Variants in L3MBTL1 observed in about 807,000 individuals in gnomAD.
L3MBTL1 encodes lethal(3)malignant brain tumor-like protein 1.
L3MBTL1 carries 75 observed loss-of-function variants against 105.3 expected under a neutral mutation model. The ratio of observed to expected loss-of-function variants is 0.71; its 90% CI spans 0.59 to 0.86. The LOEUF (loss-of-function observed/expected upper bound fraction) is 0.86. Ranked by LOEUF, L3MBTL1 falls within the 40% of genes least tolerant of loss-of-function variation. The probability of loss-of-function intolerance (pLI) is 0.00; values close to 1 mark genes in which losing one functional copy is unlikely to be tolerated. For synonymous variants in L3MBTL1, 452 were observed against 436.2 expected, an observed-to-expected ratio of 1.04 and a Z score of -0.45; for missense variants, 1,069 against 1,126.4, an observed-to-expected ratio of 0.95 and a Z score of 0.73.
At chr20:43,514,572 G>A (rs772502710) in intron 3 of L3MBTL1, 63 bp from the exon 4 acceptor site, 18 of 1,595,992 alleles carry the variant, frequency 1.1e-5, no homozygotes, top group Admixed American at 6.9e-5. Context: ...CCATGGCACC[G>A]ACTCCGAGAT....
Position 43,548,525 on chromosome 20 carries a change from C to T in L3MBTL1, c.*280C>T, listed in dbSNP as rs540004173. The stretch of plus-strand genomic sequence containing the variant: ...GTCAGTTGGACTGTGGCAGCCCCCA[C>T]AGCCCCAGTGGACTTTTATTGTATT... On this transcript the variant is annotated 3_prime_UTR_variant, in exon 19 of 19. Transcript: ENST00000422861. 1.1e-4 allele frequency: 23 copies of T among 202,342 alleles called. No individual in the cohort carries two copies. In the East Asian group the frequency reaches 2.9e-3, roughly 25 times the overall value. The allele number at this position is 202,342 out of a possible 1,614,324, so 12.5% of individuals were successfully genotyped here.
chr20:43,522,456 A>ATTT (rs778355165), intron 7 of L3MBTL1, among the ~76,000 whole-genome samples: 2,993 of 89,596 alleles, frequency 0.033, 426 homozygotes, highest in Non-Finnish European at 0.049. Flanking sequence ...TTCCCTGCTA[A>ATTT]GTTTTTTTTT....
At chr20:43,527,608 T>C (rs900687792) in intron 7 of L3MBTL1, among the ~76,000 whole-genome samples, 1 of 145,454 alleles carries the variant, frequency 6.9e-6, no homozygotes, top group Non-Finnish European at 1.5e-5. Flanking sequence ...TGTGTGTGTC[T>C]GGGAGGGCTG....
At chr20:43,535,986 T>C (rs757793918) in intron 17 of L3MBTL1, 50 bp downstream of exon 17, 1 of 1,589,184 alleles carries the variant, frequency 6.3e-7, no homozygotes, top group East Asian at 2.2e-5. Flanking sequence ...TTGCACTTAC[T>C]GCATGCAGGC....
chr20:43,514,506 G>A, intron 3 of L3MBTL1, 129 bp from the exon 4 acceptor site: 1 of 1,547,198 alleles, frequency 6.5e-7, no homozygotes, highest in Non-Finnish European at 8.8e-7. Flanking sequence ...GAGGCCCCCT[G>A]GCGTGGAGTC....
chr20:43,514,101 A>C, intron 3 of L3MBTL1, 40 bp downstream of exon 3: 1 of 1,493,938 alleles, frequency 6.7e-7, no homozygotes, highest in South Asian at 1.2e-5. Context: ...CGTAAACCGC[A>C]GCCATGGGGC....
At position 43,530,908 on chromosome 20, in the gene L3MBTL1, G is replaced by C; in HGVS notation, c.1284+19G>C. The C allele has an allele frequency of 3.8e-6, 6 of 1,594,992 alleles. No individual in the cohort carries two copies. Among genetic ancestry groups the C allele is most frequent in the East Asian group, 2.2e-5 (1 of 44,738 alleles). On this transcript the variant is annotated intron_variant, in intron 11 of 21. Transcript: ENST00000418998. ...GAGCCACGTGAGTGCCCCTGAGTGA[G>C]AGTGGATGTCACTCCCATGTGCCAG... is the stretch of plus-strand genomic sequence containing the variant.
chr20:43,522,457 GTTTTTTTTTTTTTTTT>G (rs1176856356), intron 7 of L3MBTL1, among the ~76,000 whole-genome samples: 13 of 95,896 alleles, frequency 1.4e-4, no homozygotes, highest in African/African-American at 6.1e-4. Flanking sequence ...TCCCTGCTAA[GTTTTTTTTTTTTTTTT>G]TTTTTTTTTT....
At chr20:43,525,218 G>A (rs1164436529) in intron 7 of L3MBTL1, among the ~76,000 whole-genome samples, 2 of 152,108 alleles carry the variant, frequency 1.3e-5, no homozygotes, top group Non-Finnish European at 2.9e-5. Flanking sequence ...ATACCGAAAG[G>A]GCCACAGGCT....
exon 19 of L3MBTL1, chr20:43,549,803 G>T (rs1414442220): frequency 6.6e-6 from 1 of 152,060 alleles, no homozygotes; most frequent in East Asian, 1.9e-4. Context: ...CTTAGTGTTG[G>T]GAAAATGCCA....
rs373817896 is a variant in L3MBTL1, at chr20:43,534,789, A to G, written c.1711-39A>G. On this transcript the variant is annotated intron_variant, in intron 15 of 21. Transcript: ENST00000418998. ...GGACCTTCTGGCTGAGCTGGGCTCC[A>G]TGAGAAACGCCTGACTTCCAAGAGC... 2.7e-6 allele frequency: 4 copies of G among 1,491,352 alleles called. No individual in the cohort carries two copies. The African/African-American group carries it at 5.6e-5, about 21-fold the overall frequency. 92.4% of individuals were successfully genotyped at this position (1,491,352 alleles called of 1,614,324 possible).
At chr20:43,529,734 G>A (rs1232327929) in intron 9 of L3MBTL1, among the ~76,000 whole-genome samples, 1 of 152,200 alleles carries the variant, frequency 6.6e-6, no homozygotes, top group Non-Finnish European at 1.5e-5. Context: ...TGAGCTGGGA[G>A]GCACAGTTGG....
chr20:43,539,779 G>A, intron 19 of L3MBTL1: 1 of 339,824 alleles, frequency 2.9e-6, no homozygotes, highest in Non-Finnish European at 5.7e-6. Context: ...CATCAAGGCT[G>A]AGCTTGTTTG....
At chr20:43,534,628 GC>G in intron 15 of L3MBTL1, 199 bp from the exon 16 acceptor site, 1 of 607,352 alleles carries the variant, frequency 1.6e-6, no homozygotes, top group Non-Finnish European at 2.9e-6. Context: ...CCTAAGGATT[GC>G]CAGTGGGAGA....
intron 7 of L3MBTL1, among the ~76,000 whole-genome samples, chr20:43,518,672 T>G (rs977805847): frequency 3.3e-5 from 5 of 151,946 alleles, no homozygotes; most frequent in African/African-American, 1.2e-4. Context: ...CTATGGATAC[T>G]GTTTTTTTTC....
chr20:43,547,595 G>A (rs750425769), intron 18 of L3MBTL1, among the ~76,000 whole-genome samples: 12 of 152,068 alleles, frequency 7.9e-5, no homozygotes, highest in Non-Finnish European at 1.8e-4. Flanking sequence ...GTGTCTCTCT[G>A]TCTCCCCCTG....
At chr20:43,508,938 A>T (rs1004261555) in intron 1 of L3MBTL1, among the ~76,000 whole-genome samples, 2 of 152,166 alleles carry the variant, frequency 1.3e-5, no homozygotes, top group Non-Finnish European at 2.9e-5. Context: ...GGCGGCTTCT[A>T]GGAGAGCCTT....
intron 7 of L3MBTL1, among the ~76,000 whole-genome samples, chr20:43,527,406 G>A (rs939767396): frequency 1.3e-5 from 2 of 152,152 alleles, no homozygotes; most frequent in Non-Finnish European, 2.9e-5. Flanking sequence ...GCCTTTAAAG[G>A]GTGTTTGTCC....
intron 7 of L3MBTL1, among the ~76,000 whole-genome samples, chr20:43,518,110 C>G (rs2018496807): frequency 6.6e-6 from 1 of 151,464 alleles, no homozygotes; most frequent in East Asian, 1.9e-4. Context: ...ATACTACTCA[C>G]TGTCTCAACT....
Sources: gnomAD v4.1 joint callset for allele counts (sites outside exome capture counted in the v4.1 genomes callset) on GRCh38, gnomAD v4.1.1 for gene constraint, MANE v1.5 for transcripts, NCBI Gene and HGNC (gene_info 2026-07-23, HGNC 2026-07-21) for gene names.